KIFAP3: variants seen among roughly 807,000 people sequenced by gnomAD.
KIFAP3 encodes the protein kinesin associated protein 3.
A neutral mutation model predicts 106.5 loss-of-function variants in KIFAP3; 68 were observed. The observed-to-expected ratio is 0.64, with a 90% CI of 0.53 to 0.78. KIFAP3 has a LOEUF of 0.78. KIFAP3 is among the 30% of genes least tolerant of loss of function. The pLI, the probability that KIFAP3 is intolerant of heterozygous loss-of-function variation, is 0.00. For missense variants in KIFAP3, 780 were observed against 941.8 expected (o/e 0.83, Z 2.25); for synonymous variants, 320 against 311.5 (o/e 1.03, Z -0.29).
chr1:169,930,245 A>G (rs1367527351), intron 19 of KIFAP3, among the ~76,000 whole-genome samples: 3 of 152,114 alleles, frequency 2.0e-5, no homozygotes, highest in African/African-American at 7.2e-5. Flanking sequence ...ATTAACTCTA[A>G]TTCTTGGGCA....
At chr1:169,972,395 T>G in intron 17 of KIFAP3, 118 bp downstream of exon 17, 1 of 618,730 alleles carries the variant, frequency 1.6e-6, no homozygotes, top group East Asian at 3.1e-5. Flanking sequence ...ATATCCTGAA[T>G]CTTACCAAAA....
At chr1:169,945,335 G>A (rs1664382758) in intron 19 of KIFAP3, among the ~76,000 whole-genome samples, 1 of 152,134 alleles carries the variant, frequency 6.6e-6, no homozygotes, top group Admixed American at 6.5e-5. Context: ...GCCCCCAAGA[G>A]CACAGGGATG....
At chr1:169,966,237 A>C (rs540744867) in intron 17 of KIFAP3, among the ~76,000 whole-genome samples, 2 of 152,004 alleles carry the variant, frequency 1.3e-5, no homozygotes, top group East Asian at 1.9e-4. Flanking sequence ...TCTAAAAAAG[A>C]AGCAAAACAG....
chr1:170,037,703 A>AAGGTTG (rs879336163), intron 5 of KIFAP3, among the ~76,000 whole-genome samples: 1 of 152,074 alleles, frequency 6.6e-6, no homozygotes, highest in Admixed American at 6.6e-5. Context: ...GCAGTGAGCC[A>AAGGTTG]AAGGTTGCAG....
intron 10 of KIFAP3, among the ~76,000 whole-genome samples, chr1:170,003,247 A>G (rs1295283084): frequency 6.6e-6 from 1 of 152,186 alleles, no homozygotes; most frequent in African/African-American, 2.4e-5. Flanking sequence ...ACCAGTAACA[A>G]CCAATAACAA....
At chr1:170,072,846 T>A (rs956316644) in intron 1 of KIFAP3, among the ~76,000 whole-genome samples, 1 of 152,232 alleles carries the variant, frequency 6.6e-6, no homozygotes, top group Admixed American at 6.5e-5. Context: ...AACTTTTTAT[T>A]ATTTATAGTA....
At chr1:170,063,763 T>C (rs1035022932) in intron 1 of KIFAP3, among the ~76,000 whole-genome samples, 24 of 152,190 alleles carry the variant, frequency 1.6e-4, no homozygotes, top group African/African-American at 5.6e-4. Flanking sequence ...GGCTCTTCCA[T>C]ATTTTTCTCA....
intron 7 of KIFAP3, among the ~76,000 whole-genome samples, chr1:170,032,961 C>T (rs1169219242): frequency 6.6e-6 from 1 of 151,706 alleles, no homozygotes; most frequent in East Asian, 1.9e-4. Context: ...TGTCACCAAA[C>T]AATAACAAAA....
chr1:170,010,349 A>G (rs1166633424), intron 10 of KIFAP3, among the ~76,000 whole-genome samples: 1 of 151,980 alleles, frequency 6.6e-6, no homozygotes, highest in Non-Finnish European at 1.5e-5. Flanking sequence ...AATATTCTTT[A>G]CAAATCCCTT....
chr1:170,047,960 AACAAGCAGCC>A (rs1387865189), intron 2 of KIFAP3, among the ~76,000 whole-genome samples: 1 of 152,234 alleles, frequency 6.6e-6, no homozygotes, highest in African/African-American at 2.4e-5. Context: ...GAGAAAGATG[AACAAGCAGCC>A]ACTGTGTAGA....
intron 1 of KIFAP3, among the ~76,000 whole-genome samples, chr1:170,072,259 CTA>C (rs1671742254): frequency 2.0e-5 from 3 of 152,176 alleles, no homozygotes; most frequent in Admixed American, 6.5e-5. Context: ...ACTTAATAAT[CTA>C]TGTTTCAGGC....
intron 19 of KIFAP3, among the ~76,000 whole-genome samples, chr1:169,934,237 A>AC (rs1350240629): frequency 6.6e-6 from 1 of 152,144 alleles, no homozygotes; most frequent in Non-Finnish European, 1.5e-5. Context: ...CTCCACATAA[A>AC]CATACTAATT....
intron 1 of KIFAP3, among the ~76,000 whole-genome samples, chr1:170,061,300 T>C (rs1671139160): frequency 6.9e-6 from 1 of 145,224 alleles, no homozygotes; most frequent in South Asian, 2.2e-4. Context: ...TACAATGAAC[T>C]TAAACAAATT....
intron 10 of KIFAP3, among the ~76,000 whole-genome samples, chr1:170,005,068 A>C (rs1308863816): frequency 1.3e-5 from 2 of 152,138 alleles, no homozygotes; most frequent in East Asian, 3.9e-4. Flanking sequence ...GACACTTCTC[A>C]AAAGAAGACA....
At chr1:170,053,057 CTGTT>C (rs1480747005) in intron 2 of KIFAP3, among the ~76,000 whole-genome samples, 1 of 152,196 alleles carries the variant, frequency 6.6e-6, no homozygotes, top group African/African-American at 2.4e-5. Flanking sequence ...CAAATTGTCT[CTGTT>C]TGCAGATGAC....
intron 3 of KIFAP3, 47 bp from the exon 4 acceptor site, chr1:170,039,335 TTC>T: frequency 9.4e-7 from 1 of 1,062,510 alleles, no homozygotes; most frequent in Non-Finnish European, 1.4e-6. Context: ...TTTTTAGGGT[TTC>T]TAGGTAATTT....
Position 170,024,567 on chromosome 1 carries a change from C to G in KIFAP3, c.871G>C (p.Glu291Gln). 1 of 1,576,178 alleles carries G rather than the reference C, an allele frequency of 6.3e-7. No homozygotes were observed. The highest frequency in any genetic ancestry group is 8.6e-7 in the Non-Finnish European group (1 of 1,163,234). ...ATTTTCAGTTCGGTACGAGTATCCT[C>G]AGCAAGATTCAGAAGCAAATAAAGA... is the stretch of plus-strand genomic sequence containing the variant. ...VALYLLLNLA[E>Q]DTRTELKMRN... The change falls in exon 9 of 20, where the codon GAG (glutamate) becomes CAG (glutamine). Residue 291 changes from glutamate to glutamine, a missense_variant. Physicochemically the swap from Glu to Gln is conservative, Grantham distance 29. This residue lies in a region of KIFAP3 where 588 missense variants were observed against 678.9 expected (regional missense o/e 0.87). Transcript: ENST00000361580.
chr1:169,992,534 A>G (rs1425035470), intron 10 of KIFAP3, among the ~76,000 whole-genome samples: 1 of 152,178 alleles, frequency 6.6e-6, no homozygotes, highest in East Asian at 1.9e-4. Flanking sequence ...CATGAGTCCA[A>G]TATAAAAACA....
chr1:169,986,953 G>C (rs1318439464), intron 11 of KIFAP3, among the ~76,000 whole-genome samples: 1 of 151,916 alleles, frequency 6.6e-6, no homozygotes, highest in Non-Finnish European at 1.5e-5. Flanking sequence ...AGAAAATAAT[G>C]CATGGCTCGA....
Sources: allele counts gnomAD v4.1 joint callset (sites outside exome capture counted in the v4.1 genomes callset), GRCh38; gene constraint gnomAD v4.1.1; regional missense constraint gnomAD v4.1.1; transcripts MANE v1.5; gene names NCBI Gene and HGNC (gene_info 2026-07-23, HGNC 2026-07-21).